The following ROBO2 variants were observed in gnomAD, a reference collection of about 807,000 sequenced individuals.
ROBO2 encodes the protein roundabout homolog 2.
ROBO2 carries 53 observed loss-of-function variants against 160.8 expected under a neutral mutation model. That is an observed-to-expected ratio of 0.33 (90% CI 0.26 to 0.41). The LOEUF is 0.41. Ranked by LOEUF, ROBO2 falls within the 10% of genes least tolerant of loss-of-function variation. ROBO2 has a pLI of 1.00. For missense variants in ROBO2, 1,577 were observed against 1,722.4 expected (o/e 0.92, Z 1.49); for synonymous variants, 664 against 611.7 (o/e 1.09, Z -1.26).
intron 2 of ROBO2, among the ~76,000 whole-genome samples, chr3:77,407,051 C>T (rs956922729): frequency 6.6e-5 from 10 of 152,078 alleles, no homozygotes; most frequent in African/African-American, 2.4e-4. Flanking sequence ...GTCTTAAACT[C>T]CTGGGCTCAA....
At chr3:76,462,575 A>G (rs573034719) in intron 2 of ROBO2, among the ~76,000 whole-genome samples, 125 of 151,852 alleles carry the variant, frequency 8.2e-4, no homozygotes, top group African/African-American at 2.9e-3. Flanking sequence ...AACCTGCACA[A>G]TGTGCACATG....
At chr3:76,275,140 T>G (rs2107649159) in intron 2 of ROBO2, among the ~76,000 whole-genome samples, 1 of 152,106 alleles carries the variant, frequency 6.6e-6, no homozygotes, top group South Asian at 2.1e-4. Context: ...TATGTGAGAG[T>G]GTCAATGCGA....
intron 2 of ROBO2, among the ~76,000 whole-genome samples, chr3:76,989,598 G>T (rs1039771026): frequency 3.3e-5 from 5 of 151,928 alleles, no homozygotes; most frequent in Non-Finnish European, 5.9e-5. Flanking sequence ...AAAGATAATA[G>T]ATTATTATGC....
At chr3:77,644,882 A>G (rs756019259) in exon 25 of ROBO2, 6 of 1,614,140 alleles carry the variant, frequency 3.7e-6, no homozygotes, top group Non-Finnish European at 4.2e-6. Context: ...CCAACAGTCA[A>G]GGACAGTTTA....
chr3:76,586,683 G>A lies in ROBO2; in HGVS notation c.110-511331G>A, dbSNP rs201530877. Among the ~76,000 whole-genome samples, 45 of 152,284 alleles carry A rather than the reference G, an allele frequency of 3.0e-4. No individual in the cohort carries two copies. In the East Asian group the frequency reaches 7.1e-3, roughly 24 times the overall value. On this transcript the variant is annotated intron_variant, in intron 2 of 26. Transcript: ENST00000487694. ...ACATGTGGCTAGTAGCTACCATATTGCACAACATAGTATTAGATCATGTGA... is the reference window on the plus strand; with the variant it reads ...ACATGTGGCTAGTAGCTACCATATTACACAACATAGTATTAGATCATGTGA...
chr3:76,026,571 T>A (rs1209661957), intron 2 of ROBO2, among the ~76,000 whole-genome samples: 3 of 152,024 alleles, frequency 2.0e-5, no homozygotes, highest in East Asian at 3.9e-4. Flanking sequence ...TACAAAAAAA[T>A]TATGAATGAT....
At chr3:77,196,782 A>G (rs779212648) in intron 2 of ROBO2, among the ~76,000 whole-genome samples, 72 of 152,216 alleles carry the variant, frequency 4.7e-4, no homozygotes, top group Non-Finnish European at 7.8e-4. Flanking sequence ...ATGTAGAAAA[A>G]TATGTTCTTT....
rs1173094027 is a variant in ROBO2 at position 77,444,059 on chromosome 3, C to A, written c.389-33355C>A. Among the ~76,000 whole-genome samples, 5 of 152,272 alleles carry A rather than the reference C, an allele frequency of 3.3e-5. No homozygotes were observed. The East Asian group carries it at 9.6e-4, about 29-fold the overall frequency. On this transcript the variant is annotated intron_variant, in intron 2 of 25. Coordinates refer to ENST00000461745, the Ensembl canonical transcript of ROBO2. ...TACCTCCCCATTTGTTTCTTATTAT[C>A]TTTGTCCATGCCTTCATTTTTGATC...
chr3:76,657,530 G>C (rs1422966571), intron 2 of ROBO2, among the ~76,000 whole-genome samples: 4 of 150,022 alleles, frequency 2.7e-5, no homozygotes, highest in Admixed American at 2.0e-4. Flanking sequence ...ATAATCCCTC[G>C]AGCCCAGGAG....
chr3:75,954,435 C>G (rs1048853418), intron 2 of ROBO2, among the ~76,000 whole-genome samples: 1 of 151,784 alleles, frequency 6.6e-6, no homozygotes, highest in Non-Finnish European at 1.5e-5. Flanking sequence ...TCCTCTTTCT[C>G]CAAAAACCAC....
intron 2 of ROBO2, among the ~76,000 whole-genome samples, chr3:76,664,829 T>C (rs567925112): frequency 1.3e-5 from 2 of 152,202 alleles, no homozygotes; most frequent in East Asian, 3.9e-4. Context: ...CAAAGCAAAA[T>C]ATTCAGGAAA....
At chr3:76,069,556 A>G (rs2068376317) in intron 2 of ROBO2, among the ~76,000 whole-genome samples, 1 of 149,804 alleles carries the variant, frequency 6.7e-6, no homozygotes, top group African/African-American at 2.5e-5. Context: ...GAAATAAATT[A>G]TTGTAATTTG....
At chr3:77,584,996 C>T (rs535381123) in intron 16 of ROBO2, among the ~76,000 whole-genome samples, 1 of 149,074 alleles carries the variant, frequency 6.7e-6, no homozygotes, top group Non-Finnish European at 1.5e-5. Flanking sequence ...TATATACTGG[C>T]ATATATATGC....
chr3:76,301,844 T>C (rs1709374654), intron 2 of ROBO2, among the ~76,000 whole-genome samples: 1 of 152,086 alleles, frequency 6.6e-6, no homozygotes, highest in African/African-American at 2.4e-5. Context: ...TGACAATTTT[T>C]CTAAACCCTT....
At chr3:77,236,910 A>G (rs1336010170) in intron 2 of ROBO2, among the ~76,000 whole-genome samples, 1 of 152,032 alleles carries the variant, frequency 6.6e-6, no homozygotes, top group East Asian at 1.9e-4. Flanking sequence ...TGTTGCCTAG[A>G]TTGCCTAGGC....
intron 2 of ROBO2, among the ~76,000 whole-genome samples, chr3:76,591,402 T>G (rs2086409716): frequency 6.6e-6 from 1 of 152,132 alleles, no homozygotes; most frequent in African/African-American, 2.4e-5. Context: ...TTCAGACCTG[T>G]GTTGTTTAAG....
chr3:76,194,350 G>GTGTGTGTATATA (rs759087780), intron 2 of ROBO2, among the ~76,000 whole-genome samples: 14 of 42,050 alleles, frequency 3.3e-4, no homozygotes, highest in African/African-American at 7.7e-4. Context: ...TGTATGGTGT[G>GTGTGTGTATATA]TAAATATATA....
chr3:77,092,165 A>T (rs2070381680), intron 1 of ROBO2: 1 of 152,026 alleles, frequency 6.6e-6, no homozygotes, highest in South Asian at 2.1e-4. Context: ...GAAAAAAAAA[A>T]TCCCAGATGA....
chr3:77,007,415 C>T (rs763164943), intron 2 of ROBO2, among the ~76,000 whole-genome samples: 12 of 152,034 alleles, frequency 7.9e-5, no homozygotes, highest in Non-Finnish European at 1.5e-4. Context: ...TCATGCCATA[C>T]ATTATTCTAA....
Sources: allele counts gnomAD v4.1 joint callset (sites outside exome capture counted in the v4.1 genomes callset), GRCh38; gene constraint gnomAD v4.1.1; transcripts MANE v1.5; gene names NCBI Gene and HGNC (gene_info 2026-07-23, HGNC 2026-07-21).